FAM216A: variants seen among roughly 807,000 people sequenced by gnomAD.
FAM216A encodes the protein family with sequence similarity 216 member A.
Under a neutral mutation model 37.6 loss-of-function variants are expected in FAM216A, and 26 were observed. The observed-to-expected ratio is 0.69, with a 90% CI of 0.51 to 0.96. FAM216A has a LOEUF of 0.96. FAM216A is among the 40% of genes least tolerant of loss of function. The probability of loss-of-function intolerance (pLI) is 0.00; values close to 1 mark genes in which losing one functional copy is unlikely to be tolerated. For synonymous variants in FAM216A, 110 were observed against 121.7 expected, an observed-to-expected ratio of 0.90 and a Z score of 0.64; for missense variants, 326 against 339.3, an observed-to-expected ratio of 0.96 and a Z score of 0.31.
intron 3 of FAM216A, among the ~76,000 whole-genome samples, chr12:110,485,647 A>G (rs563387801): frequency 6.6e-5 from 10 of 152,232 alleles, no homozygotes; most frequent in Admixed American, 1.3e-4. Context: ...GGATTTTACA[A>G]TGGTTACCTG....
intron 2 of FAM216A, among the ~76,000 whole-genome samples, chr12:110,483,317 C>A (rs960592560): frequency 7.5e-6 from 1 of 134,166 alleles, no homozygotes; most frequent in Non-Finnish European, 1.5e-5. Flanking sequence ...GGCGACAGAG[C>A]GAGACTCCTT....
chr12:110,482,085 A>C (rs2062750121), intron 2 of FAM216A, among the ~76,000 whole-genome samples: 1 of 96,790 alleles, frequency 1.0e-5, no homozygotes, highest in African/African-American at 3.0e-5. Flanking sequence ...CTAACTATAT[A>C]CTTTTTTTTT....
chr12:110,482,948 A>G (rs2062755969), intron 2 of FAM216A, among the ~76,000 whole-genome samples: 2 of 152,168 alleles, frequency 1.3e-5, no homozygotes, highest in Admixed American at 6.5e-5. Context: ...AGAAAATGCA[A>G]ATGAATCTAT....
chr12:110,473,754 C>G (rs1297139383), intron 2 of FAM216A, among the ~76,000 whole-genome samples: 1 of 152,144 alleles, frequency 6.6e-6, no homozygotes, highest in Non-Finnish European at 1.5e-5. Context: ...TGAATAGCTT[C>G]AAAGAATACA....
At position 110,490,380 on chromosome 12, in the gene FAM216A, A is replaced by G. The variant is rs2062805291; in HGVS notation, c.*243A>G. ...TAGATACAATTAAAACTTTTCTTGC[A>G]TTCAATATTGAATTACTTTTCTTTA... On this transcript the variant is annotated 3_prime_UTR_variant, in exon 7 of 7. Transcript: ENST00000377673. 1 of 412,110 alleles carries G rather than the reference A, an allele frequency of 2.4e-6. No homozygotes were observed. Among genetic ancestry groups the G allele is most frequent in the South Asian group, 2.8e-5 (1 of 35,312 alleles). The allele number at this position is 412,110 out of a possible 1,614,324, so 25.5% of individuals were successfully genotyped here.
chr12:110,486,149 C>T (rs990789604), intron 3 of FAM216A, among the ~76,000 whole-genome samples, 176 bp from the exon 4 acceptor site: 4 of 152,178 alleles, frequency 2.6e-5, no homozygotes, highest in Non-Finnish European at 5.9e-5. Flanking sequence ...CAAGCAGAGC[C>T]ACTTGCACTG....
chr12:110,484,442 A>C (rs78461832), intron 2 of FAM216A, among the ~76,000 whole-genome samples: 4 of 147,434 alleles, frequency 2.7e-5, no homozygotes, highest in African/African-American at 9.8e-5. Flanking sequence ...AAAAAAAAAA[A>C]AAAAAAAAAA....
chr12:110,485,355 C>T (rs1358303933), intron 3 of FAM216A, among the ~76,000 whole-genome samples, 156 bp downstream of exon 3: 1 of 152,022 alleles, frequency 6.6e-6, no homozygotes, highest in Non-Finnish European at 1.5e-5. Context: ...TGAGTAAACT[C>T]ATGAATGAAT....
intron 2 of FAM216A, among the ~76,000 whole-genome samples, chr12:110,482,636 A>G (rs989070980): frequency 6.6e-6 from 1 of 151,520 alleles, no homozygotes; most frequent in Admixed American, 6.6e-5. Flanking sequence ...TCTACTAAAA[A>G]TACAAAAAAT....
intron 2 of FAM216A, among the ~76,000 whole-genome samples, chr12:110,476,834 A>G (rs1339458721): frequency 1.3e-5 from 2 of 151,928 alleles, no homozygotes; most frequent in Admixed American, 6.6e-5. Context: ...GCCGACATTG[A>G]TATTTTTGAA....
At chr12:110,489,852 C>T (rs1263488564) in intron 6 of FAM216A, among the ~76,000 whole-genome samples, 167 bp from the exon 7 acceptor site, 1 of 152,144 alleles carries the variant, frequency 6.6e-6, no homozygotes, top group Non-Finnish European at 1.5e-5. Context: ...TATTGTGTAT[C>T]TTAAAGAGTA....
rs574798557 is a variant in FAM216A, at chr12:110,479,888, GTTAA to G, written c.185-5186_185-5183del. On this transcript the variant is annotated intron_variant, in intron 2 of 6. Transcript: ENST00000377673. ...CAAAACAACAAAAAAAAGCCTAGTA[GTTAA>G]TTAGAGATCAGTATTTGCTTAGAGT... is the stretch of plus-strand genomic sequence containing the variant. 2.4e-4 allele frequency among the ~76,000 whole-genome samples: 36 copies of G among 151,882 alleles called. No individual in the cohort carries two copies. In the South Asian group the frequency reaches 3.9e-3, roughly 17 times the overall value.
Position 110,490,126 on chromosome 12 carries a change from A to T in FAM216A, c.811A>T (p.Met271Leu). 1 of 1,510,620 alleles carries T rather than the reference A, an allele frequency of 6.6e-7. No individual in the cohort carries two copies. Among genetic ancestry groups the T allele is most frequent in the African/African-American group, 1.4e-5 (1 of 73,080 alleles). The allele number at this position is 1,510,620 out of a possible 1,614,324, so 93.6% of individuals were successfully genotyped here. The change falls in exon 7 of 7, where the codon ATG becomes TTG. Residue 271 changes from methionine (M) to leucine (L), a missense_variant. Met to Leu is a conservative substitution (Grantham distance 15). Transcript: ENST00000377673. ...MSIEEQGEHL[M>L]LT ...AATTGAAGAACAGGGAGAACATCTG[A>T]TGTTAACTTGACAGTCTTGTCTCGT...
Position 110,490,256 on chromosome 12 carries a change from T to C in FAM216A, c.*119T>C. Reference sequence around the variant, plus strand: ...AAATCATTAAGTAATTTTGGTTTGTTCAGAAACTTAAAACAATGTAATTGG... The same window carrying C: ...AAATCATTAAGTAATTTTGGTTTGTCCAGAAACTTAAAACAATGTAATTGG... On this transcript the variant is annotated 3_prime_UTR_variant, in exon 7 of 7. Coordinates refer to ENST00000377673, the MANE Select transcript of FAM216A (RefSeq NM_013300.3). The C allele has an allele frequency of 1.4e-6, 1 of 719,552 alleles. No homozygotes were observed. The highest frequency in any genetic ancestry group is 1.5e-5 in the South Asian group (1 of 65,778). The allele number at this position is 719,552 out of a possible 1,614,324, so 44.6% of individuals were successfully genotyped here. A position where few individuals can be genotyped will look rare whatever the true frequency, so the allele number is the denominator to read the frequency against.
At chr12:110,482,115 TCTGTCAC>T (rs1324569635) in intron 2 of FAM216A, among the ~76,000 whole-genome samples, 104 of 150,448 alleles carry the variant, frequency 6.9e-4, no homozygotes, top group Middle Eastern at 3.4e-3. Flanking sequence ...AGAGTCTCAC[TCTGTCAC>T]CCAGGCTGGA....
chr12:110,489,169 T>A (rs2062795056), intron 6 of FAM216A, among the ~76,000 whole-genome samples: 1 of 152,154 alleles, frequency 6.6e-6, no homozygotes, highest in South Asian at 2.1e-4. Context: ...TGTTAAGTAG[T>A]TTCCTAGTTA....
chr12:110,483,685 G>A (rs2062760872), intron 2 of FAM216A, among the ~76,000 whole-genome samples: 1 of 152,068 alleles, frequency 6.6e-6, no homozygotes, highest in Non-Finnish European at 1.5e-5. Context: ...TTAGCTGGTA[G>A]TGCATGCTTG....
chr12:110,487,697 C>A, intron 5 of FAM216A, 164 bp from the exon 6 acceptor site: 1 of 616,314 alleles, frequency 1.6e-6, no homozygotes, highest in South Asian at 1.9e-5. Context: ...TGCACTGCAG[C>A]AGCTTTACAT....
intron 2 of FAM216A, among the ~76,000 whole-genome samples, 197 bp downstream of exon 2, chr12:110,473,315 G>A (rs1157472351): frequency 3.9e-5 from 6 of 151,900 alleles, no homozygotes; most frequent in Admixed American, 6.6e-5. Context: ...GGGTTCAAGC[G>A]ATTCTCCTGC....
Sources: gnomAD v4.1 joint callset for allele counts (sites outside exome capture counted in the v4.1 genomes callset) on GRCh38, gnomAD v4.1.1 for gene constraint, MANE v1.5 for transcripts, NCBI Gene and HGNC (gene_info 2026-07-23, HGNC 2026-07-21) for gene names.